The following RCAN1 variants were observed in gnomAD, a reference collection of about 807,000 sequenced individuals.
RCAN1 encodes regulator of calcineurin 1, also known as calcipressin-1.
RCAN1 carries 11 observed loss-of-function variants against 22.9 expected under a neutral mutation model. The ratio of observed to expected loss-of-function variants is 0.48; its 90% CI spans 0.30 to 0.79. The LOEUF (loss-of-function observed/expected upper bound fraction) is 0.79, where lower values mean the gene tolerates loss of function less well. RCAN1 is among the 30% of genes least tolerant of loss of function. The probability of loss-of-function intolerance (pLI) is 0.06; values close to 1 mark genes in which losing one functional copy is unlikely to be tolerated. For missense variants in RCAN1, 291 were observed against 337.8 expected (o/e 0.86, Z 1.09); for synonymous variants, 136 against 142.3 (o/e 0.96, Z 0.32).
chr21:34,593,024 T>C (rs1316839870), intron 1 of RCAN1, among the ~76,000 whole-genome samples: 1 of 152,226 alleles, frequency 6.6e-6, no homozygotes, highest in Non-Finnish European at 1.5e-5. Context: ...GTCAATGCAG[T>C]GCAGTATTAA....
chr21:34,586,082 C>A (rs540628158), intron 1 of RCAN1, among the ~76,000 whole-genome samples: 1 of 152,244 alleles, frequency 6.6e-6, no homozygotes, highest in East Asian at 1.9e-4. Context: ...ATCAGCAAAT[C>A]CAAATCATGG....
chr21:34,566,697 AG>A (rs1398945101), intron 1 of RCAN1, among the ~76,000 whole-genome samples: 2 of 152,152 alleles, frequency 1.3e-5, no homozygotes, highest in Non-Finnish European at 2.9e-5. Flanking sequence ...TAAAGAAAAG[AG>A]GTTTACTTAG....
chr21:34,614,544 T>C lies in RCAN1; in HGVS notation c.252+216A>G. 1 of 1,016,124 alleles carries C rather than the reference T, an allele frequency of 9.8e-7. No homozygotes were observed. The highest frequency in any genetic ancestry group is 1.2e-6 in the Non-Finnish European group (1 of 836,238). The allele number at this position is 1,016,124 out of a possible 1,614,324, so 62.9% of individuals were successfully genotyped here. On this transcript the variant is annotated intron_variant, in intron 1 of 3. Transcript: ENST00000313806. The surrounding 1 kb of genome is among the most constrained non-coding windows in gnomAD (Gnocchi z 6.0). ...GGGGCGAGCCTGTGGGACTCTGCAG[T>C]GAGCTCCGCGCGCCCCGGGGGTGCT... is the stretch of plus-strand genomic sequence containing the variant.
intron 1 of RCAN1, among the ~76,000 whole-genome samples, chr21:34,596,596 C>T (rs1458915722): frequency 2.0e-5 from 3 of 152,184 alleles, no homozygotes; most frequent in Admixed American, 2.0e-4. Flanking sequence ...TTAGAGCCGT[C>T]TCAGGGACAG....
At chr21:34,578,261 G>C (rs1987479580) in intron 1 of RCAN1, among the ~76,000 whole-genome samples, 1 of 152,182 alleles carries the variant, frequency 6.6e-6, no homozygotes, top group Non-Finnish European at 1.5e-5. Flanking sequence ...TATATAGCTT[G>C]AGTAGCAGAT....
At chr21:34,523,432 T>G in intron 2 of RCAN1, 105 bp downstream of exon 2, 1 of 1,073,700 alleles carries the variant, frequency 9.3e-7, no homozygotes, top group South Asian at 1.7e-5. Context: ...CAAGGTGAAG[T>G]CTCAGAGTTT....
intron 1 of RCAN1, among the ~76,000 whole-genome samples, chr21:34,569,478 C>T (rs1340444297): frequency 6.6e-6 from 1 of 152,160 alleles, no homozygotes; most frequent in African/African-American, 2.4e-5. Flanking sequence ...TTATGTGTTA[C>T]CATATCCTAG....
intron 1 of RCAN1, among the ~76,000 whole-genome samples, chr21:34,546,337 G>GTA (rs1375869253): frequency 6.6e-6 from 1 of 151,014 alleles, no homozygotes; most frequent in African/African-American, 2.4e-5. Flanking sequence ...GACTTTACAG[G>GTA]TATATAGTCT....
At chr21:34,529,874 T>C (rs1444333141) in intron 1 of RCAN1, among the ~76,000 whole-genome samples, 1 of 152,222 alleles carries the variant, frequency 6.6e-6, no homozygotes, top group Non-Finnish European at 1.5e-5. Context: ...TTTCCTGTGC[T>C]ATTCTCGTGA....
chr21:34,573,660 C>T (rs1421613621), intron 1 of RCAN1, among the ~76,000 whole-genome samples: 1 of 152,230 alleles, frequency 6.6e-6, no homozygotes, highest in Non-Finnish European at 1.5e-5. Flanking sequence ...CTCGAGTTCA[C>T]TGCTCCCCTG....
intron 1 of RCAN1, among the ~76,000 whole-genome samples, chr21:34,596,373 C>T (rs1178018662): frequency 6.6e-6 from 1 of 152,084 alleles, no homozygotes; most frequent in Non-Finnish European, 1.5e-5. Flanking sequence ...CCCACAGGGG[C>T]CCAGGGACTG....
chr21:34,527,209 G>A (rs1985120959), intron 1 of RCAN1, among the ~76,000 whole-genome samples: 1 of 152,154 alleles, frequency 6.6e-6, no homozygotes, highest in Non-Finnish European at 1.5e-5. Flanking sequence ...AAAGAAAAAG[G>A]ATGAAGGTCT....
chr21:34,576,464 G>A (rs1315711614), intron 1 of RCAN1, among the ~76,000 whole-genome samples: 1 of 152,216 alleles, frequency 6.6e-6, no homozygotes, highest in Non-Finnish European at 1.5e-5. Flanking sequence ...CAAGTGTGGG[G>A]TGGGTGGCTG....
At chr21:34,591,529 G>A (rs1987973914) in intron 1 of RCAN1, among the ~76,000 whole-genome samples, 1 of 152,164 alleles carries the variant, frequency 6.6e-6, no homozygotes, top group South Asian at 2.1e-4. Flanking sequence ...AGCCACGCTA[G>A]GGACACCTTC....
At chr21:34,538,382 G>A (rs1436307806) in intron 1 of RCAN1, among the ~76,000 whole-genome samples, 1 of 152,132 alleles carries the variant, frequency 6.6e-6, no homozygotes, top group Non-Finnish European at 1.5e-5. Context: ...CCAAGCCACC[G>A]TGGGCTCCTC....
rs569703084 is a variant in RCAN1 at position 34,559,969 on chromosome 21, G to A, written c.253-36259C>T. The A allele has an allele frequency of 1.2e-4, 19 of 152,242 alleles. No homozygotes were observed. The East Asian group carries it at 1.4e-3, about 11-fold the overall frequency. 9.4% of individuals were successfully genotyped at this position (152,242 alleles called of 1,614,324 possible). On this transcript the variant is annotated intron_variant, in intron 1 of 3. Coordinates refer to ENST00000313806, the MANE Select transcript of RCAN1 (RefSeq NM_004414.7). ...CACTGACATGCCTTCAAGTTTCCACGGTGAGCCAGTGAACATTACTTAACG... is the reference window on the plus strand; with the variant it reads ...CACTGACATGCCTTCAAGTTTCCACAGTGAGCCAGTGAACATTACTTAACG...
intron 1 of RCAN1, among the ~76,000 whole-genome samples, chr21:34,602,411 A>T (rs1225490850): frequency 6.6e-6 from 1 of 152,228 alleles, no homozygotes; most frequent in Non-Finnish European, 1.5e-5. Context: ...TACATCTTGA[A>T]TTTAGCTATT....
intron 1 of RCAN1, among the ~76,000 whole-genome samples, chr21:34,597,490 AAAG>A (rs571008942): frequency 3.1e-4 from 47 of 152,312 alleles, no homozygotes; most frequent in South Asian, 1.2e-3. Flanking sequence ...CTGCTTCTTT[AAAG>A]AAGAATTGTG....
intron 1 of RCAN1, among the ~76,000 whole-genome samples, chr21:34,527,238 T>C (rs1985123024): frequency 6.6e-6 from 1 of 152,162 alleles, no homozygotes; most frequent in Non-Finnish European, 1.5e-5. Flanking sequence ...AAACAGCAAT[T>C]AGACTGTAGG....
Sources: allele counts gnomAD v4.1 joint callset (sites outside exome capture counted in the v4.1 genomes callset), GRCh38; gene constraint gnomAD v4.1.1; non-coding constraint Gnocchi (gnomAD v3.1); transcripts MANE v1.5; gene names NCBI Gene and HGNC (gene_info 2026-07-23, HGNC 2026-07-21).